Variants in HNRNPC observed in about 807,000 individuals in gnomAD.
HNRNPC encodes heterogeneous nuclear ribonucleoprotein C.
Under a neutral mutation model 33.2 loss-of-function variants are expected in HNRNPC, and 3 were observed. The observed-to-expected ratio is 0.09, with a 90% CI of 0.04 to 0.23. The LOEUF (loss-of-function observed/expected upper bound fraction) is 0.23, where lower values mean the gene tolerates loss of function less well. HNRNPC is among the 10% of genes least tolerant of loss of function. The pLI is 1.00. For missense variants in HNRNPC, 143 were observed against 366.7 expected, an observed-to-expected ratio of 0.39 and a Z score of 4.98; for synonymous variants, 121 against 126.7, an observed-to-expected ratio of 0.96 and a Z score of 0.30.
chr14:21,251,086 C>A lies in HNRNPC; in HGVS notation c.-37+12225G>T, dbSNP rs551903688. ...ACCGTCCTGGCTAACATGGTGAAAC[C>A]CCATCTCTACTGAAAACACAAAAAA... On this transcript the variant is annotated intron_variant, in intron 2 of 8. Coordinates refer to ENST00000553300, the MANE Select transcript of HNRNPC (RefSeq NM_004500.4). 5.3e-5 allele frequency among the ~76,000 whole-genome samples: 8 copies of A among 151,644 alleles called. No individual in the cohort carries two copies. The East Asian group carries it at 1.4e-3, about 26-fold the overall frequency.
rs1417774090 is a variant in HNRNPC at position 21,211,132 on chromosome 14, C to G, written c.*91G>C. On this transcript the variant is annotated 3_prime_UTR_variant, in exon 9 of 9. Transcript: ENST00000553300. ...GAACAGTGAGCATGTGCTGAAGATA[C>G]TAGGGGAGAGGATCTGGTGAAAAAT... 9 of 1,277,936 alleles carry G rather than the reference C, an allele frequency of 7.0e-6. No individual in the cohort carries two copies. Among genetic ancestry groups the G allele is most frequent in the Non-Finnish European group, 1.0e-5 (9 of 890,996 alleles). 79.2% of individuals were successfully genotyped at this position (1,277,936 alleles called of 1,614,324 possible).
chr14:21,233,625 C>A (rs886977887), intron 3 of HNRNPC, among the ~76,000 whole-genome samples: 9 of 152,226 alleles, frequency 5.9e-5, no homozygotes, highest in Non-Finnish European at 1.0e-4. Context: ...GGGAGACAAG[C>A]AATCAACACT....
intron 2 of HNRNPC, among the ~76,000 whole-genome samples, chr14:21,246,755 T>C (rs1219195078): frequency 2.0e-5 from 3 of 152,164 alleles, no homozygotes; most frequent in Non-Finnish European, 4.4e-5. Flanking sequence ...TTGAACAATA[T>C]GGGTTTATAC....
At chr14:21,256,317 C>A (rs1338416685) in intron 2 of HNRNPC, among the ~76,000 whole-genome samples, 1 of 151,972 alleles carries the variant, frequency 6.6e-6, no homozygotes, top group Non-Finnish European at 1.5e-5. Context: ...GGCTTGGTGG[C>A]TGGTGCCTGT....
At position 21,213,039 on chromosome 14, in the gene HNRNPC, T is replaced by C. The variant is rs776067016; in HGVS notation, c.444A>G (p.Val148=). 3.7e-6 allele frequency: 6 copies of C among 1,613,988 alleles called. No homozygotes were observed. The East Asian group carries it at 1.3e-4, about 36-fold the overall frequency. ...TGCCCCTTCGTGAAGTGTTTCCTGA[T>C]ACACGCTGACGTTTCGAGGGCACTA... The part of the protein sequence containing the change: ...RAVVPSKRQR[V]SGNTSRRGKS... Residue 148 remains valine, a synonymous_variant, in exon 6 of 9, where the codon GTA becomes GTG. Transcript: ENST00000553300.
chr14:21,212,628 C>T (rs1449680332), intron 6 of HNRNPC, among the ~76,000 whole-genome samples: 1 of 151,854 alleles, frequency 6.6e-6, no homozygotes, highest in African/African-American at 2.4e-5. Context: ...CTGCAACCTC[C>T]GCCTCCTGGG....
intron 5 of HNRNPC, among the ~76,000 whole-genome samples, chr14:21,218,764 C>T (rs1389453973): frequency 6.8e-6 from 1 of 146,548 alleles, no homozygotes; most frequent in Non-Finnish European, 1.5e-5. Context: ...CTTTGGAAGG[C>T]CAAGGCAGGC....
chr14:21,209,327 AG>A lies in HNRNPC; in HGVS notation c.*1895del, dbSNP rs1891399059. ...GAGGCCCTACAGTGAAGGGAAAAGT[AG>A]ACACTTGATTGTGGACTAATTTGTT... On this transcript the variant is annotated 3_prime_UTR_variant, in exon 9 of 9. Coordinates refer to ENST00000553300, the MANE Select transcript of HNRNPC (RefSeq NM_004500.4). The A allele has an allele frequency of 6.6e-6, 1 of 152,230 alleles. No homozygotes were observed. Among genetic ancestry groups the A allele is most frequent in the African/African-American group, 2.4e-5 (1 of 41,464 alleles). 9.4% of individuals were successfully genotyped at this position (152,230 alleles called of 1,614,324 possible).
At chr14:21,218,531 C>G (rs4982431) in intron 5 of HNRNPC, among the ~76,000 whole-genome samples, 27,582 of 150,620 alleles carry the variant, frequency 0.18, 2,947 homozygotes, top group African/African-American at 0.27. Flanking sequence ...TACTAAAATA[C>G]AAAAAAATCA....
chr14:21,212,542 T>C (rs887204971), intron 6 of HNRNPC, among the ~76,000 whole-genome samples: 3 of 151,960 alleles, frequency 2.0e-5, no homozygotes, highest in Non-Finnish European at 4.4e-5. Flanking sequence ...TCTGTTATTT[T>C]GGATTTTTTT....
At chr14:21,242,643 G>A (rs1339881042) in intron 2 of HNRNPC, among the ~76,000 whole-genome samples, 1 of 152,162 alleles carries the variant, frequency 6.6e-6, no homozygotes, top group African/African-American at 2.4e-5. Context: ...TAATTACATA[G>A]GGGGAAAATG....
intron 2 of HNRNPC, among the ~76,000 whole-genome samples, chr14:21,253,861 C>T (rs1166936313): frequency 1.3e-5 from 2 of 151,808 alleles, no homozygotes; most frequent in East Asian, 1.9e-4. Context: ...GTCAGCAAAT[C>T]GACACCATCC....
At chr14:21,225,999 G>T (rs1391359372) in intron 5 of HNRNPC, among the ~76,000 whole-genome samples, 1 of 152,040 alleles carries the variant, frequency 6.6e-6, no homozygotes, top group Non-Finnish European at 1.5e-5. Context: ...ACTTTTATGA[G>T]AATTTTTTAA....
Position 21,211,391 on chromosome 14 carries a change from TC to T in HNRNPC, c.798+14del, listed in dbSNP as rs1209733134. The stretch of plus-strand genomic sequence containing the variant: ...CCCTCCACCACCTTTTTCTTTCCTT[TC>T]CCGTGGTTTTCACCTGGTCATCCCC... On this transcript the variant is annotated intron_variant, in intron 8 of 8. Transcript: ENST00000553300. 6.6e-6 allele frequency: 10 copies of T among 1,522,082 alleles called. No homozygotes were observed. Among genetic ancestry groups the T allele is most frequent in the Non-Finnish European group, 8.9e-6 (10 of 1,126,230 alleles). 94.3% of individuals were successfully genotyped at this position (1,522,082 alleles called of 1,614,324 possible).
chr14:21,237,690 A>G (rs536528324), intron 2 of HNRNPC, among the ~76,000 whole-genome samples: 2 of 152,330 alleles, frequency 1.3e-5, no homozygotes, highest in Non-Finnish European at 2.9e-5. Context: ...ACAGTCCCTC[A>G]GTTCTTTCAT....
chr14:21,263,204 A>G (rs181797302), intron 2 of HNRNPC, 107 bp downstream of exon 2: 5 of 152,636 alleles, frequency 3.3e-5, no homozygotes, highest in Admixed American at 6.5e-5. Flanking sequence ...CATCACCATC[A>G]TAAGTATTAA....
intron 2 of HNRNPC, among the ~76,000 whole-genome samples, chr14:21,250,721 T>C (rs999584521): frequency 6.6e-6 from 1 of 152,220 alleles, no homozygotes; most frequent in African/African-American, 2.4e-5. Flanking sequence ...GGCTACACTG[T>C]AGTCTTCAAC....
intron 2 of HNRNPC, among the ~76,000 whole-genome samples, 187 bp from the exon 3 acceptor site, chr14:21,234,416 G>GAT (rs1450650720): frequency 1.3e-5 from 2 of 152,026 alleles, no homozygotes. Flanking sequence ...ATATACTCTA[G>GAT]AAAGTCAACT....
intron 2 of HNRNPC, among the ~76,000 whole-genome samples, chr14:21,253,163 ACT>A (rs1337267349): frequency 7.8e-6 from 1 of 128,078 alleles, no homozygotes; most frequent in Non-Finnish European, 1.6e-5. Flanking sequence ...ACAGAGCAAG[ACT>A]CTGTCTTTAA....
Sources: allele counts gnomAD v4.1 joint callset (sites outside exome capture counted in the v4.1 genomes callset), GRCh38; gene constraint gnomAD v4.1.1; transcripts MANE v1.5; gene names NCBI Gene and HGNC (gene_info 2026-07-23, HGNC 2026-07-21).